COL4A1: variants seen among roughly 807,000 people sequenced by gnomAD.
COL4A1 encodes collagen alpha-1(IV) chain.
COL4A1 carries 40 observed loss-of-function variants against 216.6 expected under a neutral mutation model. That is an observed-to-expected ratio of 0.18 (90% CI 0.14 to 0.24). The LOEUF (loss-of-function observed/expected upper bound fraction) is 0.24, where lower values mean the gene tolerates loss of function less well. Among genes scored for constraint, COL4A1 ranks in the 10% least tolerant of loss-of-function variants. The pLI, the probability that COL4A1 is intolerant of heterozygous loss-of-function variation, is 1.00. For synonymous variants in COL4A1, 839 were observed against 810.7 expected (o/e 1.03, Z -0.59); for missense variants, 1,628 against 2,196.8 (o/e 0.74, Z 5.18).
chr13:110,192,204 G>T lies in COL4A1; in HGVS notation c.1536+10C>A. Reference sequence around the variant, plus strand: ...CTGATATGTACATGAACTCAGACAGGTTTACTTACTGGCACTCCTGCAACA... The same window carrying T: ...CTGATATGTACATGAACTCAGACAGTTTTACTTACTGGCACTCCTGCAACA... On this transcript the variant is annotated intron_variant, in intron 24 of 51. Transcript: ENST00000375820. 1.2e-6 allele frequency: 2 copies of T among 1,614,002 alleles called. No individual in the cohort carries two copies. Among genetic ancestry groups the T allele is most frequent in the Non-Finnish European group, 1.7e-6 (2 of 1,179,902 alleles).
intron 17 of COL4A1, among the ~76,000 whole-genome samples, chr13:110,204,106 T>C (rs570800355): frequency 6.6e-6 from 1 of 152,348 alleles, no homozygotes; most frequent in African/African-American, 2.4e-5. Flanking sequence ...AAAACATTAG[T>C]GGATAAATTC....
At chr13:110,171,355 T>G (rs1242271554) in intron 41 of COL4A1, among the ~76,000 whole-genome samples, 2 of 151,952 alleles carry the variant, frequency 1.3e-5, no homozygotes, top group African/African-American at 4.8e-5. Flanking sequence ...GAGGAGACTT[T>G]TGGGGGAAGG....
chr13:110,226,112 A>T lies in COL4A1; in HGVS notation c.145-12097T>A, dbSNP rs112453246. On this transcript the variant is annotated intron_variant, in intron 2 of 51. Coordinates refer to ENST00000375820, the MANE Select transcript of COL4A1 (RefSeq NM_001845.6). ...TGTTTTAAAAGAGAATGAAAAGGCC[A>T]CACTGCTAGTGTTCCCACAAGTCAT... 8.3e-3 allele frequency among the ~76,000 whole-genome samples: 1,257 copies of T among 152,336 alleles called. 11 individuals carry two copies. Among genetic ancestry groups the T allele is most frequent in the African/African-American group, 0.029 (1,196 of 41,564 alleles).
intron 1 of COL4A1, among the ~76,000 whole-genome samples, chr13:110,275,000 A>AAGAT (rs1244258063): frequency 3.3e-5 from 5 of 152,218 alleles, no homozygotes; most frequent in African/African-American, 9.7e-5. Context: ...TTCCCCAAGG[A>AAGAT]AGATGACCAA....
At chr13:110,302,634 G>A (rs74920046) in intron 1 of COL4A1, among the ~76,000 whole-genome samples, 20,487 of 152,216 alleles carry the variant, frequency 0.13, 1,678 homozygotes, top group Middle Eastern at 0.18. Flanking sequence ...CCAGCTCACT[G>A]TGTACCAGAC....
rs1460517500 is a variant in COL4A1 at position 110,149,294 on chromosome 13, A to C, written c.*1069T>G. 6.5e-6 allele frequency: 1 copy of C among 154,812 alleles called. No homozygotes were observed. Among genetic ancestry groups the C allele is most frequent in the Non-Finnish European group, 1.5e-5 (1 of 68,218 alleles). The allele number at this position is 154,812 out of a possible 1,614,324, so 9.6% of individuals were successfully genotyped here. A position where few individuals can be genotyped will look rare whatever the true frequency, so the allele number is the denominator to read the frequency against. ...ATGGCCCGAATGTGCTTACGTGTGA[A>C]AATACTGATACTGTGATTCAACAGA... On this transcript the variant is annotated 3_prime_UTR_variant, in exon 52 of 52. Transcript: ENST00000375820.
intron 1 of COL4A1, among the ~76,000 whole-genome samples, chr13:110,243,980 T>C (rs1263560549): frequency 3.3e-5 from 5 of 152,210 alleles, no homozygotes; most frequent in Non-Finnish European, 7.3e-5. Flanking sequence ...TTTTAAACCA[T>C]GACAGACACA....
intron 2 of COL4A1, among the ~76,000 whole-genome samples, chr13:110,233,878 T>C (rs544782075): frequency 1.3e-5 from 2 of 152,210 alleles, no homozygotes; most frequent in African/African-American, 4.8e-5. Context: ...TGGGAGCGCT[T>C]CTGTCACGGA....
chr13:110,248,789 G>A (rs1433012400), intron 1 of COL4A1, among the ~76,000 whole-genome samples: 4 of 152,144 alleles, frequency 2.6e-5, no homozygotes, highest in East Asian at 1.9e-4. Context: ...CACCGCACCC[G>A]GCCTCAATTC....
intron 29 of COL4A1, among the ~76,000 whole-genome samples, chr13:110,179,644 T>C (rs1878059701): frequency 6.6e-6 from 1 of 152,188 alleles, no homozygotes; most frequent in African/African-American, 2.4e-5. Context: ...GTTTTCATTT[T>C]ACAAAGGAGG....
At chr13:110,178,882 A>C (rs1306840549) in intron 31 of COL4A1, 41 bp downstream of exon 31, 6 of 1,507,050 alleles carry the variant, frequency 4.0e-6, no homozygotes, top group Non-Finnish European at 5.5e-6. Context: ...TCAGAAAAGC[A>C]TGCTTTTGGG....
intron 2 of COL4A1, among the ~76,000 whole-genome samples, chr13:110,230,821 G>A (rs1005156559): frequency 2.6e-5 from 4 of 152,228 alleles, no homozygotes; most frequent in Non-Finnish European, 4.4e-5. Flanking sequence ...CACGTGCAGA[G>A]GCGGAAGCAA....
At chr13:110,291,222 G>A (rs895024002) in intron 1 of COL4A1, among the ~76,000 whole-genome samples, 1 of 152,214 alleles carries the variant, frequency 6.6e-6, no homozygotes, top group African/African-American at 2.4e-5. Flanking sequence ...CCACCCACTT[G>A]TCTCTTTGAT....
chr13:110,211,583 T>A lies in COL4A1; in HGVS notation c.468+64A>T, dbSNP rs1594585551. ...GTGGTTTAAAGAGAATGTGCTTCTA[T>A]GGCACTTGTTGTAAACAGATTCCCT... is the stretch of plus-strand genomic sequence containing the variant. On this transcript the variant is annotated intron_variant, in intron 8 of 51. Transcript: ENST00000375820. The surrounding 1 kb of genome is among the most constrained non-coding windows in gnomAD (Gnocchi z 4.3). 5 of 1,501,658 alleles carry A rather than the reference T, an allele frequency of 3.3e-6. No homozygotes were observed. Among genetic ancestry groups the A allele is most frequent in the Admixed American group, 3.7e-5 (2 of 53,930 alleles). 93.0% of individuals were successfully genotyped at this position (1,501,658 alleles called of 1,614,324 possible). A position where few individuals can be genotyped will look rare whatever the true frequency, so the allele number is the denominator to read the frequency against.
At chr13:110,172,891 A>G in intron 40 of COL4A1, 121 bp from the exon 41 acceptor site, 1 of 800,946 alleles carries the variant, frequency 1.2e-6, no homozygotes, top group Non-Finnish European at 2.2e-6. Context: ...CATAGATATT[A>G]GTTAATTGCA....
At chr13:110,294,456 G>A (rs1301569298) in intron 1 of COL4A1, among the ~76,000 whole-genome samples, 3 of 152,206 alleles carry the variant, frequency 2.0e-5, no homozygotes, top group Non-Finnish European at 2.9e-5. Flanking sequence ...TTCCACATCT[G>A]ATGGTTTCAT....
Position 110,149,701 on chromosome 13 carries a change from C to T in COL4A1, c.*662G>A, listed in dbSNP as rs1245645341. 1 of 152,238 alleles carries T rather than the reference C, an allele frequency of 6.6e-6. No homozygotes were observed. The highest frequency in any genetic ancestry group is 1.5e-5 in the Non-Finnish European group (1 of 67,956). The allele number at this position is 152,238 out of a possible 1,614,324, so 9.4% of individuals were successfully genotyped here. A position where few individuals can be genotyped will look rare whatever the true frequency, so the allele number is the denominator to read the frequency against. On this transcript the variant is annotated 3_prime_UTR_variant, in exon 52 of 52. Transcript: ENST00000375820. ...CCTTGATCTGCCTAATTGCTGACAT[C>T]TATATAAATTACTAATATATATATA...
At chr13:110,227,465 C>T (rs188175537) in intron 2 of COL4A1, among the ~76,000 whole-genome samples, 13 of 148,316 alleles carry the variant, frequency 8.8e-5, no homozygotes, top group East Asian at 4.0e-4. Context: ...GAGAGAGAAA[C>T]GAAGAGACAG....
intron 21 of COL4A1, among the ~76,000 whole-genome samples, chr13:110,196,877 C>G (rs1878917184): frequency 6.6e-6 from 1 of 152,096 alleles, no homozygotes; most frequent in South Asian, 2.1e-4. Flanking sequence ...AAGATGTAGC[C>G]TCTTTAACAT....
Sources: allele counts gnomAD v4.1 joint callset (sites outside exome capture counted in the v4.1 genomes callset), GRCh38; gene constraint gnomAD v4.1.1; non-coding constraint Gnocchi (gnomAD v3.1); transcripts MANE v1.5; gene names NCBI Gene and HGNC (gene_info 2026-07-23, HGNC 2026-07-21).